Variants in SOX5 observed in about 807,000 individuals in gnomAD.
SOX5 encodes the protein transcription factor SOX-5.
A neutral mutation model predicts 92.0 loss-of-function variants in SOX5; 9 were observed. The observed-to-expected ratio is 0.10, with a 90% confidence interval of 0.06 to 0.17. The LOEUF (loss-of-function observed/expected upper bound fraction) is 0.17, where lower values mean the gene tolerates loss of function less well. Among genes scored for constraint, SOX5 ranks in the 10% least tolerant of loss-of-function variants. The pLI is 1.00. For synonymous variants in SOX5, 344 were observed against 336.3 expected, an observed-to-expected ratio of 1.02 and a Z score of -0.25; for missense variants, 642 against 944.5, an observed-to-expected ratio of 0.68 and a Z score of 4.20.
chr12:23,698,628 C>T (rs773704051), intron 6 of SOX5, among the ~76,000 whole-genome samples: 2 of 152,018 alleles, frequency 1.3e-5, no homozygotes, highest in Non-Finnish European at 1.5e-5. Context: ...ACATCTATGC[C>T]ACTTTTGATT....
intron 3 of SOX5, among the ~76,000 whole-genome samples, chr12:24,252,251 A>C (rs781247552): frequency 3.9e-5 from 6 of 152,232 alleles, no homozygotes; most frequent in Non-Finnish European, 8.8e-5. Flanking sequence ...GAACATAATG[A>C]AACAAGTTAA....
chr12:23,630,784 T>G (rs956302196), intron 8 of SOX5, among the ~76,000 whole-genome samples: 1 of 151,986 alleles, frequency 6.6e-6, no homozygotes, highest in Non-Finnish European at 1.5e-5. Context: ...AGTAACAGTA[T>G]GATAATTTAA....
chr12:24,405,941 C>T (rs936007870), intron 1 of SOX5, among the ~76,000 whole-genome samples: 1 of 152,074 alleles, frequency 6.6e-6, no homozygotes, highest in African/African-American at 2.4e-5. Context: ...GAAAGGGCTA[C>T]CTTTTCCATA....
chr12:24,156,832 A>C (rs540058343), intron 4 of SOX5, among the ~76,000 whole-genome samples: 1 of 152,294 alleles, frequency 6.6e-6, no homozygotes, highest in East Asian at 1.9e-4. Flanking sequence ...TGCATGGAAT[A>C]GTTAATTGAG....
intron 8 of SOX5, among the ~76,000 whole-genome samples, chr12:23,615,158 G>A (rs2076404515): frequency 6.6e-6 from 1 of 152,078 alleles, no homozygotes; most frequent in Non-Finnish European, 1.5e-5. Context: ...TTTGGCAGGT[G>A]TGAAGTGGTA....
At chr12:23,984,528 A>G (rs1949882751) in intron 4 of SOX5, among the ~76,000 whole-genome samples, 1 of 152,178 alleles carries the variant, frequency 6.6e-6, no homozygotes, top group African/African-American at 2.4e-5. Context: ...GAAAGTGGCC[A>G]TTTTGGGGAA....
rs190609638 is a variant in SOX5, at chr12:24,007,090, G to A, written c.-1-111066C>T. ...GGAGGTTGCAGTGAGCTGAGCTCCC[G>A]CCATTGCACTCCAGCCTAGGTGACA... On this transcript the variant is annotated intron_variant, in intron 4 of 4. Transcript: ENST00000446891. Among the ~76,000 whole-genome samples the A allele has an allele frequency of 7.9e-4, 115 of 145,324 alleles. 1 individual carries two copies. The highest frequency in any genetic ancestry group is 3.6e-3 in the Middle Eastern group (1 of 278).
chr12:24,378,462 A>G (rs1257839344), intron 1 of SOX5, among the ~76,000 whole-genome samples: 1 of 152,218 alleles, frequency 6.6e-6, no homozygotes, highest in African/African-American at 2.4e-5. Flanking sequence ...AAGAGAGAAC[A>G]AGTTCCCCTA....
chr12:23,977,150 T>C (rs972993897), intron 4 of SOX5, among the ~76,000 whole-genome samples: 8 of 152,340 alleles, frequency 5.3e-5, no homozygotes, highest in African/African-American at 1.9e-4. Flanking sequence ...ATCTATAATT[T>C]AATGTAAATT....
intron 2 of SOX5, among the ~76,000 whole-genome samples, chr12:24,325,953 C>T (rs906622928): frequency 2.0e-5 from 3 of 152,196 alleles, no homozygotes; most frequent in Non-Finnish European, 4.4e-5. Context: ...TTGGCATTTG[C>T]TATTTATTAA....
intron 2 of SOX5, among the ~76,000 whole-genome samples, chr12:24,336,283 C>T (rs960713023): frequency 9.2e-5 from 14 of 151,808 alleles, no homozygotes; most frequent in Non-Finnish European, 1.0e-4. Context: ...TTAGTAGAGA[C>T]GGTGTTTCAC....
chr12:24,200,164 G>C (rs1044797702), intron 4 of SOX5, among the ~76,000 whole-genome samples: 3 of 152,154 alleles, frequency 2.0e-5, no homozygotes, highest in African/African-American at 7.2e-5. Context: ...ATAGTGAAAA[G>C]AAAACTGGGC....
At chr12:24,014,074 T>C (rs1311648893) in intron 4 of SOX5, among the ~76,000 whole-genome samples, 2 of 152,180 alleles carry the variant, frequency 1.3e-5, no homozygotes, top group Non-Finnish European at 2.9e-5. Context: ...CTTCGTGACT[T>C]GTAGTTTTTA....
intron 1 of SOX5, among the ~76,000 whole-genome samples, chr12:24,381,272 AT>A (rs1957800135): frequency 6.6e-6 from 1 of 152,240 alleles, no homozygotes; most frequent in South Asian, 2.1e-4. Context: ...AAATATGTAT[AT>A]TTACTTTTAA....
intron 2 of SOX5, among the ~76,000 whole-genome samples, chr12:23,865,504 T>C (rs1161661943): frequency 6.6e-6 from 1 of 151,994 alleles, no homozygotes; most frequent in Non-Finnish European, 1.5e-5. Context: ...TGACACCCCA[T>C]CTCTACTAAA....
intron 7 of SOX5, among the ~76,000 whole-genome samples, chr12:23,663,892 A>G (rs1439104758): frequency 6.6e-6 from 1 of 152,120 alleles, no homozygotes; most frequent in Middle Eastern, 3.2e-3. Flanking sequence ...CTACAAAGGT[A>G]GGACGATGCG....
rs142529450 is a variant in SOX5, at chr12:24,245,311, T to C, written c.-76-31894A>G. ...ACTATAGTAATCCCAACAACTAGGATAGTGCCTAGCAAATAACAGGACTTA... is the reference window on the plus strand; with the variant it reads ...ACTATAGTAATCCCAACAACTAGGACAGTGCCTAGCAAATAACAGGACTTA... On this transcript the variant is annotated intron_variant, in intron 3 of 4. Transcript: ENST00000446891. Among the ~76,000 whole-genome samples the C allele has an allele frequency of 8.6e-5, 13 of 150,792 alleles. No homozygotes were observed. The East Asian group carries it at 9.8e-4, about 11-fold the overall frequency.
chr12:24,256,814 C>A lies in SOX5; in HGVS notation c.-77+20402G>T, dbSNP rs113148916. 4.7e-3 allele frequency among the ~76,000 whole-genome samples: 718 copies of A among 152,278 alleles called. 6 individuals are homozygous for A. The highest frequency in any genetic ancestry group is 0.017 in the African/African-American group (688 of 41,556). On this transcript the variant is annotated intron_variant, in intron 3 of 4. Coordinates refer to the SOX5 transcript ENST00000446891. ...GACGAAAACTGCCATGTACAGTTAC[C>A]CCGTTATTGTCATCTGCCTGCTGCA...
At chr12:24,269,500 A>C (rs1163414756) in intron 3 of SOX5, among the ~76,000 whole-genome samples, 2 of 152,144 alleles carry the variant, frequency 1.3e-5, no homozygotes, top group East Asian at 3.9e-4. Context: ...TCAATTCAGC[A>C]TATAATATGG....
Sources: gnomAD v4.1 joint callset for allele counts (sites outside exome capture counted in the v4.1 genomes callset) on GRCh38, gnomAD v4.1.1 for gene constraint, MANE v1.5 for transcripts, NCBI Gene and HGNC (gene_info 2026-07-23, HGNC 2026-07-21) for gene names.